Variants in NDST3 observed in about 807,000 individuals in gnomAD.
NDST3 encodes bifunctional heparan sulfate N-deacetylase/N-sulfotransferase 3.
A neutral mutation model predicts 96.1 loss-of-function variants in NDST3; 58 were observed. The ratio of observed to expected loss-of-function variants is 0.60; its 90% confidence interval spans 0.49 to 0.75. The LOEUF is 0.75. Among genes scored for constraint, NDST3 ranks in the 30% least tolerant of loss-of-function variants. The pLI is 0.00. For missense variants in NDST3, 788 were observed against 1,034.2 expected (o/e 0.76, Z 3.27); for synonymous variants, 333 against 359.7 (o/e 0.93, Z 0.84).
chr4:118,058,616 TGTGTGTGTGTGTGTGTGTGC>T (rs1725634759), intron 2 of NDST3, among the ~76,000 whole-genome samples: 2 of 36,500 alleles, frequency 5.5e-5, no homozygotes, highest in Non-Finnish European at 1.6e-4. Context: ...TGTGTGTGTG[TGTGTGTGTGTGTGTGTGTGC>T]GCGCGCGCGC....
chr4:118,093,197 GAA>G (rs1157746261), intron 2 of NDST3, among the ~76,000 whole-genome samples: 1 of 151,736 alleles, frequency 6.6e-6, no homozygotes, highest in African/African-American at 2.4e-5. Context: ...CCATTTTTCA[GAA>G]AATTTATTTT....
intron 2 of NDST3, chr4:118,055,407 A>G (rs1725356167): frequency 5.7e-6 from 1 of 176,948 alleles, no homozygotes; most frequent in Admixed American, 5.8e-5. Flanking sequence ...TATGAAGATC[A>G]ATGACTGTAT....
At chr4:118,207,623 A>C (rs1487240272) in intron 6 of NDST3, among the ~76,000 whole-genome samples, 1 of 144,884 alleles carries the variant, frequency 6.9e-6, no homozygotes, top group East Asian at 2.0e-4. Context: ...AAGTATAGAC[A>C]ATTGCCTTCA....
At chr4:118,250,047 T>C (rs980422595) in intron 12 of NDST3, among the ~76,000 whole-genome samples, 3 of 152,240 alleles carry the variant, frequency 2.0e-5, no homozygotes, top group Non-Finnish European at 4.4e-5. Context: ...GTCAATTCTT[T>C]TTTATTGTTA....
intron 6 of NDST3, among the ~76,000 whole-genome samples, chr4:118,173,690 C>A (rs1736100088): frequency 6.6e-6 from 1 of 152,074 alleles, no homozygotes; most frequent in African/African-American, 2.4e-5. Context: ...CTTTATTTTC[C>A]ATATACTCTG....
intron 12 of NDST3, among the ~76,000 whole-genome samples, chr4:118,252,924 T>C (rs913320723): frequency 1.2e-4 from 18 of 151,950 alleles, no homozygotes; most frequent in African/African-American, 2.7e-4. Context: ...AAAAATTCAT[T>C]TGTAGGTGCT....
At position 118,183,894 on chromosome 4, in the gene NDST3, A is replaced by G. The variant is rs1431208673; in HGVS notation, c.1539+40210A>G. Among the ~76,000 whole-genome samples, 3 of 152,338 alleles carry G rather than the reference A, an allele frequency of 2.0e-5. No individual in the cohort carries two copies. In the East Asian group the frequency reaches 5.8e-4, roughly 29 times the overall value. On this transcript the variant is annotated intron_variant, in intron 6 of 13. Coordinates refer to ENST00000296499, the MANE Select transcript of NDST3 (RefSeq NM_004784.3). ...GTCAGGCTGGGAAAAGGGCACCTTG[A>G]CTAAGTTTGGAAACCCAGAAATCTT...
At chr4:118,052,470 G>A (rs763510084) in intron 1 of NDST3, among the ~76,000 whole-genome samples, 21 of 151,928 alleles carry the variant, frequency 1.4e-4, no homozygotes, top group Non-Finnish European at 2.4e-4. Flanking sequence ...GATCCATACC[G>A]TAAATGTCAG....
intron 4 of NDST3, among the ~76,000 whole-genome samples, chr4:118,133,552 T>A (rs1038466688): frequency 2.0e-5 from 3 of 152,212 alleles, no homozygotes; most frequent in Admixed American, 1.3e-4. Context: ...CTTACCTGAT[T>A]TTTTGTTCTT....
intron 2 of NDST3, among the ~76,000 whole-genome samples, chr4:118,075,863 G>A (rs1249813449): frequency 6.6e-6 from 1 of 152,152 alleles, no homozygotes; most frequent in Non-Finnish European, 1.5e-5. Context: ...TGTTCACTCT[G>A]ATGGTAGTTT....
chr4:118,053,591 C>T (rs1244753157), intron 1 of NDST3, among the ~76,000 whole-genome samples, 165 bp from the exon 2 acceptor site: 1 of 151,834 alleles, frequency 6.6e-6, no homozygotes, highest in African/African-American at 2.4e-5. Context: ...TTCTACCAGT[C>T]CCATGTCCTC....
At chr4:118,254,392 A>G (rs531779500) in intron 13 of NDST3, among the ~76,000 whole-genome samples, 25 of 152,274 alleles carry the variant, frequency 1.6e-4, no homozygotes, top group Middle Eastern at 3.4e-3. Flanking sequence ...GAAGCAATGT[A>G]TTTCCCAACA....
intron 6 of NDST3, among the ~76,000 whole-genome samples, chr4:118,175,976 T>G (rs562364314): frequency 6.6e-6 from 1 of 152,118 alleles, no homozygotes; most frequent in Non-Finnish European, 1.5e-5. Flanking sequence ...CTTACTCCAC[T>G]TTAGCCAACA....
In NDST3 at chr4:118,058,430, C is replaced by CAAAAAAAAAAAAA. The variant is rs35067389; in HGVS notation, c.981+3543_981+3555dup. 9.3e-5 allele frequency among the ~76,000 whole-genome samples: 11 copies of CAAAAAAAAAAAAA among 118,126 alleles called. 1 individual carries two copies. The highest frequency in any genetic ancestry group is 1.4e-4 in the African/African-American group (4 of 28,480). The allele number at this position is 118,126 out of a possible 152,430, so 77.5% of individuals were successfully genotyped here. A position where few individuals can be genotyped will look rare whatever the true frequency, so the allele number is the denominator to read the frequency against. On this transcript the variant is annotated intron_variant, in intron 2 of 13. Transcript: ENST00000296499. Reference sequence around the variant, plus strand: ...TTTCATTCTTTGTGCCACAAAAAGACAAAAAAAAAAAAAAAACAGACCTAA... The same window carrying CAAAAAAAAAAAAA: ...TTTCATTCTTTGTGCCACAAAAAGACAAAAAAAAAAAAAAAAAAAAAAAAAAAAACAGACCTAA...
chr4:118,068,257 G>A (rs1222391766), intron 2 of NDST3, among the ~76,000 whole-genome samples: 2 of 137,472 alleles, frequency 1.5e-5, no homozygotes, highest in East Asian at 4.6e-4. Context: ...AGCCTTCCAA[G>A]TAGTTAAAAC....
At chr4:118,226,645 T>C (rs529668032) in intron 7 of NDST3, among the ~76,000 whole-genome samples, 47 of 152,254 alleles carry the variant, frequency 3.1e-4, no homozygotes, top group Non-Finnish European at 6.0e-4. Flanking sequence ...TATGAGACTG[T>C]TTACCCAAAG....
chr4:118,120,606 T>C (rs892460259), intron 4 of NDST3, among the ~76,000 whole-genome samples: 1 of 152,120 alleles, frequency 6.6e-6, no homozygotes, highest in Non-Finnish European at 1.5e-5. Context: ...AGGGTGGTGT[T>C]TGCTATCTCT....
chr4:118,158,405 G>T (rs1388916434), intron 6 of NDST3, among the ~76,000 whole-genome samples: 1 of 152,088 alleles, frequency 6.6e-6, no homozygotes, highest in Non-Finnish European at 1.5e-5. Flanking sequence ...CTCTTGATAT[G>T]AGATAATTTT....
intron 2 of NDST3, among the ~76,000 whole-genome samples, chr4:118,067,800 T>C (rs1225149969): frequency 2.0e-5 from 3 of 151,890 alleles, no homozygotes; most frequent in African/African-American, 7.3e-5. Context: ...AAATAGCTAA[T>C]GCATGCTGGG....
Sources: allele counts gnomAD v4.1 joint callset (sites outside exome capture counted in the v4.1 genomes callset), GRCh38; gene constraint gnomAD v4.1.1; transcripts MANE v1.5; gene names NCBI Gene and HGNC (gene_info 2026-07-23, HGNC 2026-07-21).